Variants in PDLIM5 observed in about 807,000 individuals in gnomAD.
PDLIM5 encodes the protein PDZ and LIM domain 5.
Under a neutral mutation model 64.2 loss-of-function variants are expected in PDLIM5, and 34 were observed. That is an observed-to-expected ratio of 0.53 (90% confidence interval 0.40 to 0.71). PDLIM5 has a LOEUF of 0.71. Among genes scored for constraint, PDLIM5 ranks in the 30% least tolerant of loss-of-function variants. The pLI, the probability that PDLIM5 is intolerant of heterozygous loss-of-function variation, is 0.00. For missense variants in PDLIM5, 683 were observed against 733.6 expected, an observed-to-expected ratio of 0.93 and a Z score of 0.80; for synonymous variants, 253 against 269.1, an observed-to-expected ratio of 0.94 and a Z score of 0.59.
At chr4:94,517,138 CT>C (rs1335918023) in intron 2 of PDLIM5, among the ~76,000 whole-genome samples, 1 of 152,124 alleles carries the variant, frequency 6.6e-6, no homozygotes, top group African/African-American at 2.4e-5. Context: ...CTCGTAAAAA[CT>C]TCACCGGGAT....
chr4:94,654,139 C>T (rs1402100383), intron 9 of PDLIM5, among the ~76,000 whole-genome samples: 8 of 152,204 alleles, frequency 5.3e-5, no homozygotes, highest in Admixed American at 5.2e-4. Context: ...TTAACATCCT[C>T]ATTCTCAATC....
intron 11 of PDLIM5, among the ~76,000 whole-genome samples, chr4:94,662,132 A>T (rs899000690): frequency 6.6e-6 from 1 of 152,072 alleles, no homozygotes; most frequent in East Asian, 1.9e-4. Context: ...ACAGTTCTTT[A>T]TATGTATTTA....
In PDLIM5 at chr4:94,509,634, G is replaced by C. The variant is rs544531520; in HGVS notation, c.97-14090G>C. ...GTGAGTTTATTAAGTATTAACTCAC[G>C]TGATCACAAGGTCCCACAATAGGCT... On this transcript the variant is annotated intron_variant, in intron 2 of 12. Transcript: ENST00000317968. Among the ~76,000 whole-genome samples the C allele has an allele frequency of 2.0e-5, 3 of 152,250 alleles. No individual in the cohort carries two copies. In the South Asian group the frequency reaches 6.2e-4, roughly 32 times the overall value.
intron 3 of PDLIM5, among the ~76,000 whole-genome samples, chr4:94,572,829 AT>A (rs959016849): frequency 3.3e-5 from 5 of 152,322 alleles, no homozygotes; most frequent in Middle Eastern, 3.4e-3. Flanking sequence ...ACACTTAAGA[AT>A]AGGAATACAG....
chr4:94,566,079 AAAGTTATTTTAT>A (rs1734291498), intron 3 of PDLIM5, among the ~76,000 whole-genome samples: 1 of 152,198 alleles, frequency 6.6e-6, no homozygotes, highest in Non-Finnish European at 1.5e-5. Flanking sequence ...ATTCTTTACC[AAAGTTATTTTAT>A]AACTTTCTCT....
intron 3 of PDLIM5, among the ~76,000 whole-genome samples, chr4:94,540,660 A>C (rs1432644395): frequency 6.6e-6 from 1 of 152,190 alleles, no homozygotes. Flanking sequence ...TGAAAGTCCT[A>C]AAACTGGTTG....
chr4:94,614,399 A>G (rs1177240359), intron 7 of PDLIM5, among the ~76,000 whole-genome samples: 1 of 152,142 alleles, frequency 6.6e-6, no homozygotes, highest in Non-Finnish European at 1.5e-5. Context: ...ACAGGCATGA[A>G]CTACTGTGCC....
At chr4:94,567,055 A>G (rs181681147) in intron 3 of PDLIM5, among the ~76,000 whole-genome samples, 5 of 152,302 alleles carry the variant, frequency 3.3e-5, no homozygotes, top group East Asian at 3.9e-4. Flanking sequence ...GTGCAGTGGC[A>G]CAACCTCGGC....
rs755980901 is a variant in PDLIM5 at position 94,536,549 on chromosome 4, C to T, written c.248+12674C>T. Among the ~76,000 whole-genome samples the T allele has an allele frequency of 1.6e-4, 24 of 152,178 alleles. 1 individual carries two copies. The highest frequency in any genetic ancestry group is 2.9e-4 in the Non-Finnish European group (20 of 68,032). On this transcript the variant is annotated intron_variant, in intron 3 of 12. Coordinates refer to ENST00000317968, the MANE Select transcript of PDLIM5 (RefSeq NM_006457.5). Reference sequence around the variant, plus strand: ...AATATGTATTTATTTATTACCTACTCCAGTGCCTACCACCATGGCTTAGAT... The same window carrying T: ...AATATGTATTTATTTATTACCTACTTCAGTGCCTACCACCATGGCTTAGAT...
chr4:94,664,090 G>A lies in PDLIM5; in HGVS notation c.*23G>A. 1 of 1,499,714 alleles carries A rather than the reference G, an allele frequency of 6.7e-7. No individual in the cohort carries two copies. Among genetic ancestry groups the A allele is most frequent in the Non-Finnish European group, 9.0e-7 (1 of 1,111,252 alleles). 92.9% of individuals were successfully genotyped at this position (1,499,714 alleles called of 1,614,324 possible). A position where few individuals can be genotyped will look rare whatever the true frequency, so the allele number is the denominator to read the frequency against. ...TGAAAGTCAACAGTTCAGGAGAAGA[G>A]AAGGAATTTGAAGAGAAAAAGGAAA... On this transcript the variant is annotated 3_prime_UTR_variant, in exon 13 of 13. Coordinates refer to ENST00000317968, the MANE Select transcript of PDLIM5 (RefSeq NM_006457.5).
chr4:94,567,183 C>T lies in PDLIM5; in HGVS notation c.249-6168C>T, dbSNP rs542743400. On this transcript the variant is annotated intron_variant, in intron 3 of 12. Coordinates refer to ENST00000317968, the MANE Select transcript of PDLIM5 (RefSeq NM_006457.5). ...AATTTTTTTGTATTTTTAGTAGAGA[C>T]GGGGTTTCACCGTGTTAGCCAGGAT... 1.2e-3 allele frequency among the ~76,000 whole-genome samples: 187 copies of T among 152,176 alleles called. 1 individual carries two copies. The highest frequency in any genetic ancestry group is 4.3e-3 in the African/African-American group (179 of 41,520).
intron 8 of PDLIM5, among the ~76,000 whole-genome samples, chr4:94,633,189 G>C (rs1381873524): frequency 6.6e-6 from 1 of 152,150 alleles, no homozygotes; most frequent in African/African-American, 2.4e-5. Flanking sequence ...TGGCCGGGGA[G>C]CGAGGAGTGG....
chr4:94,538,343 C>G (rs1407263340), intron 3 of PDLIM5, among the ~76,000 whole-genome samples: 3 of 152,146 alleles, frequency 2.0e-5, no homozygotes, highest in Admixed American at 6.5e-5. Context: ...TGAAGCAACT[C>G]CAGCTATTAA....
intron 8 of PDLIM5, among the ~76,000 whole-genome samples, chr4:94,634,213 G>A (rs1314548544): frequency 6.6e-6 from 1 of 151,912 alleles, no homozygotes; most frequent in Non-Finnish European, 1.5e-5. Flanking sequence ...CTTTTTTGTT[G>A]GTGGCAAGAG....
intron 7 of PDLIM5, among the ~76,000 whole-genome samples, chr4:94,614,269 C>T (rs1018432048): frequency 1.3e-5 from 2 of 151,924 alleles, no homozygotes; most frequent in Non-Finnish European, 2.9e-5. Flanking sequence ...CCAATCCTTT[C>T]ATCTTTAGTA....
intron 5 of PDLIM5, chr4:94,579,483 T>A (rs1276420197): frequency 9.0e-7 from 1 of 1,111,014 alleles, no homozygotes; most frequent in Non-Finnish European, 1.3e-6. Flanking sequence ...AAAAAAATGA[T>A]GTGGTAGTAA....
chr4:94,662,873 A>C (rs949828727), intron 12 of PDLIM5, among the ~76,000 whole-genome samples: 1 of 151,688 alleles, frequency 6.6e-6, no homozygotes, highest in Non-Finnish European at 1.5e-5. Flanking sequence ...GTTTTTGGAA[A>C]CGTTAGGTAC....
At position 94,653,004 on chromosome 4, in the gene PDLIM5, T is replaced by G. The variant is rs115886561; in HGVS notation, c.1284-1456T>G. Among the ~76,000 whole-genome samples, 873 of 152,272 alleles carry G rather than the reference T, an allele frequency of 5.7e-3. 9 individuals are homozygous for G. The highest frequency in any genetic ancestry group is 0.02 in the African/African-American group (813 of 41,552). Reference sequence around the variant, plus strand: ...AGTTATTGAATAGCAAGGTTTATGTTATTGTCAGAATTTTAAAAATGCTGT... The same window carrying G: ...AGTTATTGAATAGCAAGGTTTATGTGATTGTCAGAATTTTAAAAATGCTGT... On this transcript the variant is annotated intron_variant, in intron 9 of 12. Coordinates refer to ENST00000317968, the MANE Select transcript of PDLIM5 (RefSeq NM_006457.5).
intron 2 of PDLIM5, among the ~76,000 whole-genome samples, chr4:94,506,211 T>C (rs985479785): frequency 1.3e-5 from 2 of 152,234 alleles, no homozygotes; most frequent in South Asian, 2.1e-4. Context: ...ATTCAGTCTT[T>C]TCAACGCCAT....
Sources: allele counts gnomAD v4.1 joint callset (sites outside exome capture counted in the v4.1 genomes callset), GRCh38; gene constraint gnomAD v4.1.1; transcripts MANE v1.5; gene names NCBI Gene and HGNC (gene_info 2026-07-23, HGNC 2026-07-21).